FILIP1L: variants seen among roughly 807,000 people sequenced by gnomAD.
FILIP1L encodes the protein filamin A interacting protein 1 like.
FILIP1L carries 55 observed loss-of-function variants against 96.6 expected under a neutral mutation model. The ratio of observed to expected loss-of-function variants is 0.57; its 90% CI spans 0.46 to 0.71. FILIP1L has a LOEUF of 0.71. Ranked by LOEUF, FILIP1L falls within the 30% of genes least tolerant of loss-of-function variation. The pLI is 0.00. For synonymous variants in FILIP1L, 467 were observed against 473.9 expected (o/e 0.99, Z 0.19); for missense variants, 1,304 against 1,321.2 (o/e 0.99, Z 0.20).
intron 2 of FILIP1L, among the ~76,000 whole-genome samples, 161 bp from the exon 3 acceptor site, chr3:99,930,190 T>C (rs1707432473): frequency 6.6e-6 from 1 of 152,242 alleles, no homozygotes; most frequent in South Asian, 2.1e-4. Context: ...CTATATCCCT[T>C]CATCCTTCTT....
intron 4 of FILIP1L, among the ~76,000 whole-genome samples, chr3:99,857,172 T>C (rs1944007133): frequency 6.6e-6 from 1 of 150,786 alleles, no homozygotes; most frequent in South Asian, 2.1e-4. Context: ...AGTAGTTTTA[T>C]TCACTATTTA....
At chr3:99,935,150 G>A (rs921237867) in intron 1 of FILIP1L, among the ~76,000 whole-genome samples, 4 of 151,956 alleles carry the variant, frequency 2.6e-5, no homozygotes, top group African/African-American at 9.7e-5. Context: ...TATTATCAGT[G>A]ACTTCATTGT....
At chr3:99,985,594 CTT>C (rs759661932) in intron 1 of FILIP1L, among the ~76,000 whole-genome samples, 1 of 145,600 alleles carries the variant, frequency 6.9e-6, no homozygotes. Context: ...ATGAGAAAAG[CTT>C]TTTTTTTTTT....
chr3:99,976,132 G>C (rs902049183), intron 1 of FILIP1L, among the ~76,000 whole-genome samples: 1 of 151,886 alleles, frequency 6.6e-6, no homozygotes, highest in Non-Finnish European at 1.5e-5. Context: ...TGGTTCGCCC[G>C]CCTCAGCCTC....
intron 1 of FILIP1L, among the ~76,000 whole-genome samples, chr3:100,045,203 A>T (rs980534710): frequency 1.3e-5 from 2 of 152,238 alleles, no homozygotes; most frequent in Admixed American, 6.5e-5. Context: ...TAGTTGTTGC[A>T]TCTATAACTT....
chr3:100,050,007 G>A (rs541274516), intron 1 of FILIP1L, among the ~76,000 whole-genome samples: 3 of 152,208 alleles, frequency 2.0e-5, no homozygotes, highest in Middle Eastern at 3.4e-3. Flanking sequence ...GGTTCTTTAC[G>A]GTTATTAGAA....
chr3:100,112,217 A>G (rs1280809210), intron 1 of FILIP1L, among the ~76,000 whole-genome samples: 2 of 152,230 alleles, frequency 1.3e-5, no homozygotes, highest in African/African-American at 4.8e-5. Context: ...AATGTTTTTT[A>G]ATGTAACATA....
chr3:99,843,904 G>A (rs1481206001), intron 5 of FILIP1L, among the ~76,000 whole-genome samples: 3 of 152,180 alleles, frequency 2.0e-5, no homozygotes, highest in Non-Finnish European at 2.9e-5. Context: ...AACTGCACAT[G>A]CGAGGGGTCT....
chr3:99,833,432 A>G (rs1942769383), intron 5 of FILIP1L, among the ~76,000 whole-genome samples: 2 of 152,226 alleles, frequency 1.3e-5, no homozygotes, highest in Admixed American at 1.3e-4. Flanking sequence ...AGAAGTATGG[A>G]AAGGTGAAGT....
At chr3:100,073,219 T>C (rs1003556737) in intron 1 of FILIP1L, among the ~76,000 whole-genome samples, 1 of 152,126 alleles carries the variant, frequency 6.6e-6, no homozygotes, top group Non-Finnish European at 1.5e-5. Flanking sequence ...ATAAATAAAG[T>C]TTTATTGGAA....
At chr3:99,861,900 A>G (rs984337874) in intron 4 of FILIP1L, among the ~76,000 whole-genome samples, 4 of 152,080 alleles carry the variant, frequency 2.6e-5, no homozygotes, top group Admixed American at 6.6e-5. Context: ...ACCTCCCTAC[A>G]AGTCTCATTT....
At chr3:100,027,581 C>T (rs537162773) in intron 1 of FILIP1L, among the ~76,000 whole-genome samples, 8 of 152,306 alleles carry the variant, frequency 5.3e-5, no homozygotes, top group Admixed American at 4.6e-4. Context: ...TACCCTCCTA[C>T]TTCCACCCTG....
intron 4 of FILIP1L, among the ~76,000 whole-genome samples, chr3:99,875,193 AAAT>A (rs1705449368): frequency 6.6e-6 from 1 of 152,216 alleles, no homozygotes; most frequent in Non-Finnish European, 1.5e-5. Flanking sequence ...TAGTTGGAAA[AAAT>A]GAAGTAAAAT....
intron 1 of FILIP1L, among the ~76,000 whole-genome samples, chr3:100,066,523 T>C (rs1403305432): frequency 1.3e-5 from 1 of 75,092 alleles, no homozygotes; most frequent in Non-Finnish European, 2.9e-5. Context: ...GCTTCTTTTT[T>C]TTTTTTTTTT....
intron 1 of FILIP1L, among the ~76,000 whole-genome samples, chr3:100,060,379 A>G (rs1292866904): frequency 1.3e-5 from 2 of 152,142 alleles, no homozygotes; most frequent in African/African-American, 4.8e-5. Flanking sequence ...CATCTTCCTG[A>G]TGCCCTTCTA....
chr3:100,070,169 GA>G (rs1345761531), intron 1 of FILIP1L, among the ~76,000 whole-genome samples: 2 of 152,302 alleles, frequency 1.3e-5, no homozygotes, highest in Non-Finnish European at 2.9e-5. Flanking sequence ...GTTACAGCCA[GA>G]GCATGATTCT....
intron 1 of FILIP1L, among the ~76,000 whole-genome samples, chr3:100,066,186 A>G (rs1213938643): frequency 2.0e-5 from 3 of 152,208 alleles, no homozygotes. Context: ...TGACAGCAGT[A>G]TAATGATTTT....
chr3:99,838,849 C>T (rs1943005891), intron 5 of FILIP1L, among the ~76,000 whole-genome samples: 1 of 151,348 alleles, frequency 6.6e-6, no homozygotes, highest in Non-Finnish European at 1.5e-5. Context: ...TGTTTTTTGC[C>T]CTCTCTTTTA....
chr3:99,848,151 G>C, intron 5 of FILIP1L, 144 bp downstream of exon 5: 1 of 1,522,152 alleles, frequency 6.6e-7, no homozygotes, highest in Non-Finnish European at 8.8e-7. Context: ...CTCTTGTATA[G>C]TTCATGCACA....
Sources: gnomAD v4.1 joint callset for allele counts (sites outside exome capture counted in the v4.1 genomes callset) on GRCh38, gnomAD v4.1.1 for gene constraint, MANE v1.5 for transcripts, NCBI Gene and HGNC (gene_info 2026-07-23, HGNC 2026-07-21) for gene names.